The following TBX2 variants were observed in gnomAD, a reference collection of about 807,000 sequenced individuals.
The protein encoded by TBX2 is T-box transcription factor TBX2.
In TBX2, 19 loss-of-function variants were observed where a neutral mutation model predicts 48.4. That is an observed-to-expected ratio of 0.39 (90% CI 0.27 to 0.58). The LOEUF (loss-of-function observed/expected upper bound fraction) is 0.58. Among genes scored for constraint, TBX2 ranks in the 20% least tolerant of loss-of-function variants. TBX2 has a pLI of 0.54. For synonymous variants in TBX2, 522 were observed against 459.7 expected (o/e 1.14, Z -1.73); for missense variants, 994 against 1,006.5 (o/e 0.99, Z 0.17).
chr17:61,402,997 C>G (rs2060271035), intron 2 of TBX2, 64 bp from the exon 3 acceptor site: 1 of 1,451,598 alleles, frequency 6.9e-7, no homozygotes, highest in Admixed American at 2.6e-5. Context: ...GGTCAGGTAC[C>G]CAAAGAATAG....
intron 4 of TBX2, 45 bp downstream of exon 4, chr17:61,404,542 G>A (rs1276627759): frequency 4.4e-6 from 7 of 1,588,840 alleles, no homozygotes; most frequent in African/African-American, 2.7e-5. Flanking sequence ...GCCCGCGGGA[G>A]CAGCGAGCAG....
At position 61,405,189 on chromosome 17, in the gene TBX2, C is replaced by T; in HGVS notation, c.1052-13C>T. On this transcript the variant is annotated splice_polypyrimidine_tract_variant and intron_variant, in intron 5 of 6. Coordinates refer to ENST00000240328, the MANE Select transcript of TBX2 (RefSeq NM_005994.4). ...GCCCAGGCCCCTGTAATCCGCGCGC[C>T]CTCTCCCCGCAGCTGAGGAGAAGTC... is the stretch of plus-strand genomic sequence containing the variant. 1 of 1,489,748 alleles carries T rather than the reference C, an allele frequency of 6.7e-7. No individual in the cohort carries two copies. The highest frequency in any genetic ancestry group is 1.3e-5 in the South Asian group (1 of 74,424). 92.3% of individuals were successfully genotyped at this position (1,489,748 alleles called of 1,614,324 possible).
rs754205890 is a variant in TBX2 at position 61,401,921 on chromosome 17, G to A, written c.633G>A (p.Leu211=). 3.7e-6 allele frequency: 6 copies of A among 1,608,204 alleles called. No homozygotes were observed. The African/African-American group carries it at 5.3e-5, about 14-fold the overall frequency. Reference sequence around the variant, plus strand: ...CTGTGGCCTTCCACAAGCTGAAGCTGACCAACAACATCTCTGACAAGCACG... The same window carrying A: ...CTGTGGCCTTCCACAAGCTGAAGCTAACCAACAACATCTCTGACAAGCACG... ...AKPVAFHKLK[L]TNNISDKHGF... is the part of the protein sequence containing the mutation. Residue 211 remains leucine (L), a synonymous_variant, in exon 2 of 7, where the codon CTG becomes CTA. Transcript: ENST00000240328.
In TBX2 at chr17:61,400,033, C is replaced by T. The variant is rs1203702495; in HGVS notation, c.-144C>T. ...GAGCCGGGTGCCCCTTGCGGTGCGC[C>T]GGACGGGAAGCCCCGAGGAGCAGCT... On this transcript the variant is annotated 5_prime_UTR_variant, in exon 1 of 7. Transcript: ENST00000240328. This position sits in a 1 kb window ranked among gnomAD's most constrained non-coding sequence, Gnocchi z 9.2. 1.2e-5 allele frequency: 3 copies of T among 260,332 alleles called. No individual in the cohort carries two copies. The highest frequency in any genetic ancestry group is 3.6e-4 in the East Asian group (2 of 5,538). 16.1% of individuals were successfully genotyped at this position (260,332 alleles called of 1,614,324 possible). A position where few individuals can be genotyped will look rare whatever the true frequency, so the allele number is the denominator to read the frequency against.
In TBX2 at chr17:61,404,426, A is replaced by G. The variant is rs753930593; in HGVS notation, c.816A>G (p.Thr272=). The G allele has an allele frequency of 3.1e-6, 5 of 1,609,514 alleles. No individual in the cohort carries two copies. In the Admixed American group the frequency reaches 8.4e-5, roughly 27 times the overall value. The change falls in exon 4 of 7, where the codon ACA becomes ACG. Residue 272 remains threonine (T), a synonymous_variant. Transcript: ENST00000240328. ...CGCCCCCTTGGTCCCCGCAGATCAC[A>G]CAGCTGAAGATCGACAACAACCCGT... ...AVTAYQNDKI[T]QLKIDNNPFA... is the part of the protein sequence containing the mutation.
rs1466303780 is a variant in TBX2 at position 61,405,747 on chromosome 17, G to A, written c.1597G>A (p.Asp533Asn). Residue 533 changes from aspartate to asparagine, a missense_variant, in exon 6 of 7, where the codon GAC becomes AAC. By Grantham distance (23) the Asp-to-Asn change is conservative. This residue lies in a region of TBX2 where 639 missense variants were observed against 613.2 expected (regional missense o/e 1.04). Coordinates refer to ENST00000240328, the MANE Select transcript of TBX2 (RefSeq NM_005994.4). The stretch of plus-strand genomic sequence containing the variant: ...CGGGCCTGGGACCGCCGCGGGGCTG[G>A]ACGCAGGCGGGCTGGGTCCCGCGGC... Reference protein sequence around the residue: ...GGGPGTAAGLDAGGLGPAASA... With the variant: ...GGGPGTAAGLNAGGLGPAASA... 1 of 1,348,864 alleles carries A rather than the reference G, an allele frequency of 7.4e-7. No homozygotes were observed. The highest frequency in any genetic ancestry group is 3.1e-5 in the East Asian group (1 of 32,588). 83.6% of individuals were successfully genotyped at this position (1,348,864 alleles called of 1,614,324 possible).
chr17:61,407,899 A>G, intron 6 of TBX2, 155 bp from the exon 7 acceptor site: 1 of 990,604 alleles, frequency 1.0e-6, no homozygotes, highest in Non-Finnish European at 1.5e-6. Context: ...ACACTGGCTC[A>G]TGCTTACCTG....
At chr17:61,404,945 C>A in intron 5 of TBX2, 176 bp downstream of exon 5, 1 of 1,242,610 alleles carries the variant, frequency 8.0e-7, no homozygotes, top group Non-Finnish European at 1.1e-6. Flanking sequence ...CCCCGGTAGC[C>A]AGAAGATCCG....
Position 61,403,266 on chromosome 17 carries a change from C to T in TBX2, c.810+59C>T. ...ACTGACGCCCCTCAACACGTGCAGG[C>T]CCAACCGTCCGTTCATCGCCCCTCG... is the stretch of plus-strand genomic sequence containing the variant. On this transcript the variant is annotated intron_variant, in intron 3 of 6. Coordinates refer to ENST00000240328, the MANE Select transcript of TBX2 (RefSeq NM_005994.4). The surrounding 1 kb of genome is among the most constrained non-coding windows in gnomAD (Gnocchi z 5.8). 1 of 1,582,852 alleles carries T rather than the reference C, an allele frequency of 6.3e-7. No individual in the cohort carries two copies. The highest frequency in any genetic ancestry group is 8.5e-7 in the Non-Finnish European group (1 of 1,171,944).
rs2060288380 is a variant in TBX2 at position 61,406,208 on chromosome 17, G to A, written c.1686+372G>A. 3 of 215,066 alleles carry A rather than the reference G, an allele frequency of 1.4e-5. No individual in the cohort carries two copies. Among genetic ancestry groups the A allele is most frequent in the Non-Finnish European group, 1.8e-5 (2 of 109,218 alleles). 13.3% of individuals were successfully genotyped at this position (215,066 alleles called of 1,614,324 possible). The stretch of plus-strand genomic sequence containing the variant: ...TGTGAAGTCTTCTCTCCTGGCCTCA[G>A]GACATTTTTCTTGAGAACAAAGACC... On this transcript the variant is annotated intron_variant, in intron 6 of 6. Coordinates refer to ENST00000240328, the MANE Select transcript of TBX2 (RefSeq NM_005994.4). The surrounding 1 kb of genome is among the most constrained non-coding windows in gnomAD (Gnocchi z 5.7).
intron 2 of TBX2, 98 bp downstream of exon 2, chr17:61,402,049 C>A: frequency 6.7e-7 from 1 of 1,486,108 alleles, no homozygotes; most frequent in Non-Finnish European, 8.9e-7. Context: ...CAGGGGGAAG[C>A]GCTGGGCAAA....
Position 61,405,457 on chromosome 17 carries a change from G to A in TBX2, c.1307G>A (p.Arg436His). ...RAEARRKDEG[R>H]KEAAEGKEQG... ...GAAGCTCGGAGGAAGGACGAGGGGC[G>A]CAAGGAGGCGGCCGAGGGCAAGGAG... The change falls in exon 6 of 7, where the codon CGC becomes CAC. Residue 436 changes from arginine to histidine, a missense_variant. By Grantham distance (29) the Arg-to-His change is conservative. Around this residue, in one of 5 missense-constraint regions of TBX2, gnomAD observed 639 missense variants for 613.2 expected, o/e 1.04. Transcript: ENST00000240328. 6.4e-7 allele frequency: 1 copy of A among 1,574,286 alleles called. No individual in the cohort carries two copies. The highest frequency in any genetic ancestry group is 8.6e-7 in the Non-Finnish European group (1 of 1,163,964).
At chr17:61,404,338 C>T in intron 3 of TBX2, 83 bp from the exon 4 acceptor site, 1 of 1,475,172 alleles carries the variant, frequency 6.8e-7, no homozygotes, top group African/African-American at 1.4e-5. Context: ...CCTCTGCGGC[C>T]AGCACCCGCT....
intron 6 of TBX2, 73 bp from the exon 7 acceptor site, chr17:61,407,981 G>C (rs2060295439): frequency 6.7e-7 from 1 of 1,494,444 alleles, no homozygotes; most frequent in Admixed American, 2.2e-5. Flanking sequence ...GTGTCCAGGG[G>C]ATAGCACCCA....
rs965626119 is a variant in TBX2 at position 61,405,266 on chromosome 17, G to T, written c.1116G>T (p.Ala372=). The part of the protein sequence containing the change: ...PEPERLSEER[A]GAPLGRSPAP... ...CTGAGCGGTTGAGCGAGGAGCGTGC[G>T]GGGGCGCCGCTAGGCCGCAGCCCGG... Residue 372 remains alanine (A), a synonymous_variant, in exon 6 of 7, where the codon GCG becomes GCT. Transcript: ENST00000240328. 2.5e-6 allele frequency: 4 copies of T among 1,570,378 alleles called. No individual in the cohort carries two copies. The African/African-American group carries it at 5.4e-5, about 21-fold the overall frequency.
Position 61,405,235 on chromosome 17 carries a change from C to G in TBX2, c.1085C>G (p.Pro362Arg). The G allele has an allele frequency of 1.3e-6, 2 of 1,567,480 alleles. No homozygotes were observed. Among genetic ancestry groups the G allele is most frequent in the Non-Finnish European group, 8.6e-7 (1 of 1,165,112 alleles). ...EEKSCAADSD[P>R]EPERLSEERA... ...AAGTCGTGCGCCGCGGACAGCGACC[C>G]GGAGCCTGAGCGGTTGAGCGAGGAG... The change falls in exon 6 of 7, where the codon CCG (proline) becomes CGG (arginine). Residue 362 changes from proline to arginine, a missense_variant. Physicochemically the swap from Pro to Arg is moderately radical, Grantham distance 103. This residue lies in a region of TBX2 where 639 missense variants were observed against 613.2 expected (regional missense o/e 1.04). Transcript: ENST00000240328.
Position 61,408,623 on chromosome 17 carries a change from C to T in TBX2, c.*117C>T, listed in dbSNP as rs2060298257. 9.5e-7 allele frequency: 1 copy of T among 1,054,644 alleles called. No homozygotes were observed. Among genetic ancestry groups the T allele is most frequent in the Non-Finnish European group, 1.3e-6 (1 of 796,068 alleles). The allele number at this position is 1,054,644 out of a possible 1,614,324, so 65.3% of individuals were successfully genotyped here. On this transcript the variant is annotated 3_prime_UTR_variant, in exon 7 of 7. Coordinates refer to ENST00000240328, the MANE Select transcript of TBX2 (RefSeq NM_005994.4). Reference sequence around the variant, plus strand: ...TTAAATAAAGGAGAAAAGTGGGCTGCAGCAGCCGGAATAGAGCCTCGTCTG... The same window carrying T: ...TTAAATAAAGGAGAAAAGTGGGCTGTAGCAGCCGGAATAGAGCCTCGTCTG...
In TBX2 at chr17:61,405,329, C is replaced by T. The variant is rs189227009; in HGVS notation, c.1179C>T (p.Pro393=). The T allele has an allele frequency of 8.3e-4, 1,284 of 1,546,548 alleles. 14 individuals are homozygous for T. The African/African-American group carries it at 0.016, about 19-fold the overall frequency. ...DSASPTRLTE[P]ERARERRSPE... ...CCAGCCCCACTCGCTTGACCGAACC[C>T]GAGCGCGCCCGGGAGCGGCGTAGTC... Residue 393 remains proline, a synonymous_variant, in exon 6 of 7, where the codon CCC becomes CCT. Transcript: ENST00000240328.
At chr17:61,402,649 AAG>A (rs1217668329) in intron 2 of TBX2, among the ~76,000 whole-genome samples, 2 of 152,070 alleles carry the variant, frequency 1.3e-5, no homozygotes, top group Non-Finnish European at 2.9e-5. Flanking sequence ...GCCAGAAAGG[AAG>A]AGAGTGTTAA....
Sources: gnomAD v4.1 joint callset for allele counts (sites outside exome capture counted in the v4.1 genomes callset) on GRCh38, gnomAD v4.1.1 for gene constraint, gnomAD v4.1.1 regional missense constraint, Gnocchi (gnomAD v3.1) non-coding constraint, MANE v1.5 for transcripts, NCBI Gene and HGNC (gene_info 2026-07-23, HGNC 2026-07-21) for gene names.